The following KANSL1L variants were observed in gnomAD, a reference collection of about 807,000 sequenced individuals.
KANSL1L encodes the protein KAT8 regulatory NSL complex subunit 1-like protein.
KANSL1L carries 25 observed loss-of-function variants against 108.6 expected under a neutral mutation model. The ratio of observed to expected loss-of-function variants is 0.23; its 90% CI spans 0.17 to 0.32. The LOEUF is 0.32. KANSL1L is among the 10% of genes least tolerant of loss of function. The pLI, the probability that KANSL1L is intolerant of heterozygous loss-of-function variation, is 1.00. For missense variants in KANSL1L, 1,137 were observed against 1,125.7 expected (o/e 1.01, Z -0.14); for synonymous variants, 405 against 395.1 (o/e 1.03, Z -0.30).
chr2:210,047,676 G>C (rs905066888), intron 6 of KANSL1L, among the ~76,000 whole-genome samples: 1 of 152,138 alleles, frequency 6.6e-6, no homozygotes, highest in African/African-American at 2.4e-5. Flanking sequence ...TCCAGTATCA[G>C]AATCACTTGA....
intron 5 of KANSL1L, among the ~76,000 whole-genome samples, chr2:210,080,717 A>G (rs982073088): frequency 4.6e-5 from 7 of 152,276 alleles, no homozygotes; most frequent in Middle Eastern, 3.4e-3. Context: ...TTAGTAATCA[A>G]TGTTACTTTT....
chr2:210,130,157 G>A (rs139649576), intron 2 of KANSL1L, among the ~76,000 whole-genome samples: 1 of 152,252 alleles, frequency 6.6e-6, no homozygotes, highest in Non-Finnish European at 1.5e-5. Flanking sequence ...GATGATCTCT[G>A]GGTGACAATG....
chr2:210,112,959 A>G lies in KANSL1L; in HGVS notation c.1231-8658T>C, dbSNP rs145217001. Among the ~76,000 whole-genome samples, 5 of 152,318 alleles carry G rather than the reference A, an allele frequency of 3.3e-5. No homozygotes were observed. The East Asian group carries it at 9.6e-4, about 29-fold the overall frequency. ...ATAGCAGCTACCCATCCCCACACCT[A>G]GTCCCATGGCAGGCAGCCATTCATA... On this transcript the variant is annotated intron_variant, in intron 3 of 14. Transcript: ENST00000281772.
At chr2:210,091,672 G>C (rs1314575624) in intron 5 of KANSL1L, among the ~76,000 whole-genome samples, 2 of 152,050 alleles carry the variant, frequency 1.3e-5, no homozygotes, top group Non-Finnish European at 2.9e-5. Flanking sequence ...TCCTCCTTCT[G>C]ACCTCTATGT....
At chr2:210,078,451 A>G (rs1277054372) in intron 5 of KANSL1L, among the ~76,000 whole-genome samples, 1 of 152,180 alleles carries the variant, frequency 6.6e-6, no homozygotes, top group East Asian at 1.9e-4. Context: ...ACACTTTCTA[A>G]TTAATAAGAA....
intron 1 of KANSL1L, among the ~76,000 whole-genome samples, chr2:210,161,606 T>A (rs957682183): frequency 3.9e-5 from 6 of 152,278 alleles, no homozygotes; most frequent in African/African-American, 7.2e-5. Flanking sequence ...ATAAACTTTT[T>A]AAAATAATTA....
chr2:210,061,644 A>C (rs2125275749), intron 6 of KANSL1L, among the ~76,000 whole-genome samples: 1 of 152,344 alleles, frequency 6.6e-6, no homozygotes, highest in South Asian at 2.1e-4. Flanking sequence ...TAGATAAAGC[A>C]ACATTATCAA....
intron 2 of KANSL1L, among the ~76,000 whole-genome samples, chr2:210,135,894 C>T (rs979494147): frequency 6.6e-6 from 1 of 152,092 alleles, no homozygotes; most frequent in Non-Finnish European, 1.5e-5. Context: ...GCCTTACTGA[C>T]ATACAAGTTA....
chr2:210,154,583 G>A lies in KANSL1L; in HGVS notation c.-1C>T, dbSNP rs1485993582. On this transcript the variant is annotated 5_prime_UTR_variant, in exon 2 of 15. Coordinates refer to ENST00000281772, the MANE Select transcript of KANSL1L (RefSeq NM_152519.4). ...TTGCCTCCCTCAGAGCTGGGGTCATGGCGATTCCTGTAGATAAGTATTGGA... is the reference window on the plus strand; with the variant it reads ...TTGCCTCCCTCAGAGCTGGGGTCATAGCGATTCCTGTAGATAAGTATTGGA... 6.7e-7 allele frequency: 1 copy of A among 1,483,198 alleles called. No individual in the cohort carries two copies. Among genetic ancestry groups the A allele is most frequent in the East Asian group, 2.3e-5 (1 of 42,982 alleles). 91.9% of individuals were successfully genotyped at this position (1,483,198 alleles called of 1,614,324 possible). A position where few individuals can be genotyped will look rare whatever the true frequency, so the allele number is the denominator to read the frequency against.
At chr2:210,026,649 A>C (rs2093940896) in intron 12 of KANSL1L, among the ~76,000 whole-genome samples, 1 of 152,244 alleles carries the variant, frequency 6.6e-6, no homozygotes, top group South Asian at 2.1e-4. Context: ...ATGGCATTTA[A>C]ACTTAAATAA....
At chr2:210,024,826 T>C (rs1480295930) in intron 13 of KANSL1L, among the ~76,000 whole-genome samples, 1 of 152,222 alleles carries the variant, frequency 6.6e-6, no homozygotes. Context: ...ACCTACTTTA[T>C]ATATACAGAG....
intron 6 of KANSL1L, among the ~76,000 whole-genome samples, chr2:210,067,934 G>A (rs913244247): frequency 6.6e-6 from 1 of 151,916 alleles, no homozygotes; most frequent in African/African-American, 2.4e-5. Flanking sequence ...CTGGAGTGCA[G>A]TGGCACAATC....
chr2:210,167,838 T>C (rs1688075015), intron 1 of KANSL1L, among the ~76,000 whole-genome samples: 1 of 152,032 alleles, frequency 6.6e-6, no homozygotes, highest in Non-Finnish European at 1.5e-5. Flanking sequence ...GTCTTTGGAT[T>C]TTTATTATAG....
chr2:210,130,340 T>C (rs1373416044), intron 2 of KANSL1L, among the ~76,000 whole-genome samples: 1 of 152,202 alleles, frequency 6.6e-6, no homozygotes, highest in Non-Finnish European at 1.5e-5. Context: ...AAATAGTTTA[T>C]TAATTTTTTA....
At chr2:210,079,648 A>ATATATATGTATGTG (rs1553653240) in intron 5 of KANSL1L, among the ~76,000 whole-genome samples, 856 of 15,086 alleles carry the variant, frequency 0.057, 60 homozygotes, top group Admixed American at 0.1. Flanking sequence ...ATATATATAT[A>ATATATATGTATGTG]TATATATATA....
intron 2 of KANSL1L, among the ~76,000 whole-genome samples, chr2:210,139,770 CTCTT>C (rs1201061630): frequency 7.1e-6 from 1 of 139,968 alleles, no homozygotes; most frequent in African/African-American, 2.7e-5. Flanking sequence ...GAGACAGGGT[CTCTT>C]TCTGTCACCA....
chr2:210,068,616 G>A (rs531782875), intron 6 of KANSL1L, among the ~76,000 whole-genome samples: 18 of 152,118 alleles, frequency 1.2e-4, no homozygotes, highest in African/African-American at 4.1e-4. Flanking sequence ...TTTTATTGGC[G>A]GGTAATAAGT....
chr2:210,033,591 G>A (rs1373041588), intron 8 of KANSL1L, among the ~76,000 whole-genome samples: 3 of 151,934 alleles, frequency 2.0e-5, no homozygotes, highest in Non-Finnish European at 4.4e-5. Context: ...GTGCAGTGGC[G>A]CGATCTCGGC....
At chr2:210,166,241 C>A (rs745547296) in intron 1 of KANSL1L, among the ~76,000 whole-genome samples, 1 of 152,014 alleles carries the variant, frequency 6.6e-6, no homozygotes, top group Non-Finnish European at 1.5e-5. Context: ...GCAATCTGAT[C>A]CCTTGGACAT....
Sources: gnomAD v4.1 joint callset for allele counts (sites outside exome capture counted in the v4.1 genomes callset) on GRCh38, gnomAD v4.1.1 for gene constraint, MANE v1.5 for transcripts, NCBI Gene and HGNC (gene_info 2026-07-23, HGNC 2026-07-21) for gene names.